DMD: variants seen among roughly 807,000 people sequenced by gnomAD.
DMD encodes mutant dystrophin.
DMD carries 63 observed loss-of-function variants against 330.1 expected under a neutral mutation model. That is an observed-to-expected ratio of 0.19 (90% CI 0.16 to 0.24). The LOEUF (loss-of-function observed/expected upper bound fraction) is 0.24, where lower values mean the gene tolerates loss of function less well. Ranked by LOEUF, DMD falls within the 10% of genes least tolerant of loss-of-function variation. The pLI is 1.00. For missense variants in DMD, 3,344 were observed against 2,684.1 expected (o/e 1.25, Z -5.43); for synonymous variants, 1,223 against 959.8 (o/e 1.27, Z -5.07).
chrX:32,885,338 T>C (rs2149225714), intron 2 of DMD, among the ~76,000 whole-genome samples: 1 of 111,610 alleles, frequency 9.0e-6, no homozygotes, highest in African/African-American at 3.2e-5. Flanking sequence ...ATATTAAGCC[T>C]ACTAAAGAGA....
intron 9 of DMD, among the ~76,000 whole-genome samples, chrX:32,680,869 C>G (rs982771405): frequency 9.0e-6 from 1 of 111,211 alleles, no homozygotes; most frequent in African/African-American, 3.3e-5. Context: ...GGCTACGCCC[C>G]TTATATTTGA....
At chrX:32,422,006 G>A (rs769161717) in intron 29 of DMD, among the ~76,000 whole-genome samples, 4 of 111,387 alleles carry the variant, frequency 3.6e-5, no homozygotes, top group Admixed American at 9.6e-5. Flanking sequence ...CCTAGAAAGC[G>A]TTCATTCTAC....
chrX:31,323,293 G>A, intron 62 of DMD, among the ~76,000 whole-genome samples: 1 of 111,881 alleles, frequency 8.9e-6, no homozygotes, highest in Non-Finnish European at 1.9e-5. Flanking sequence ...CGCAAAGATT[G>A]ACTCCCACTA....
At position 32,013,093 on chromosome X, in the gene DMD, C is replaced by CTTTTTTTTTTTTTTTTTTTT. The variant is rs754162660; in HGVS notation, c.6439-44580_6439-44579insAAAAAAAAAAAAAAAAAAAA. Among the ~76,000 whole-genome samples, 24 of 61,152 alleles carry CTTTTTTTTTTTTTTTTTTTT rather than the reference C, an allele frequency of 3.9e-4. 2 individuals carry two copies. Among genetic ancestry groups the CTTTTTTTTTTTTTTTTTTTT allele is most frequent in the African/African-American group, 8.9e-4 (11 of 12,321 alleles). The allele number at this position is 61,152 out of a possible 115,157, so 53.1% of individuals were successfully genotyped here. A position where few individuals can be genotyped will look rare whatever the true frequency, so the allele number is the denominator to read the frequency against. The stretch of plus-strand genomic sequence containing the variant: ...GGAAATTAATCTTTTCTTTTCTTTC[C>CTTTTTTTTTTTTTTTTTTTT]TTTTTTTTTTTTTGAGATGGAATCT... On this transcript the variant is annotated intron_variant, in intron 44 of 78. Coordinates refer to ENST00000357033, the MANE Select transcript of DMD (RefSeq NM_004006.3).
intron 44 of DMD, among the ~76,000 whole-genome samples, chrX:32,023,461 A>G (rs1233597022): frequency 9.0e-6 from 1 of 111,573 alleles, no homozygotes; most frequent in African/African-American, 3.3e-5. Context: ...ATCGACGTGT[A>G]TGTCTCACTC....
At chrX:32,359,565 G>T (rs945672341) in intron 37 of DMD, among the ~76,000 whole-genome samples, 2 of 111,209 alleles carry the variant, frequency 1.8e-5, no homozygotes, top group Non-Finnish European at 3.8e-5. Flanking sequence ...ACCTGATTTT[G>T]AGATCAAAGG....
chrX:32,619,881 T>G (rs1338667571), intron 11 of DMD, among the ~76,000 whole-genome samples: 1 of 111,552 alleles, frequency 9.0e-6, no homozygotes, highest in Non-Finnish European at 1.9e-5. Context: ...CAGTGAGAAT[T>G]AGAGACATGG....
intron 1 of DMD, among the ~76,000 whole-genome samples, chrX:33,287,662 T>C (rs1266971295): frequency 1.8e-5 from 2 of 111,379 alleles, no homozygotes; most frequent in Non-Finnish European, 3.8e-5. Context: ...ATTATATAGA[T>C]CTGAAAAGTA....
intron 44 of DMD, among the ~76,000 whole-genome samples, chrX:32,151,075 C>T: frequency 1.8e-5 from 2 of 111,353 alleles, no homozygotes. Flanking sequence ...TACTATTATA[C>T]TTTGTGTGTA....
At chrX:32,988,984 A>T (rs886529982) in intron 2 of DMD, among the ~76,000 whole-genome samples, 2 of 111,774 alleles carry the variant, frequency 1.8e-5, no homozygotes, top group South Asian at 3.7e-4. Flanking sequence ...TATTAGGAAA[A>T]ATTTAATACA....
At position 32,457,461 on chromosome X, in the gene DMD, A is replaced by G. The variant is rs952042129; in HGVS notation, c.3433-2629T>C. Among the ~76,000 whole-genome samples the G allele has an allele frequency of 3.6e-5, 4 of 110,959 alleles. No individual in the cohort carries two copies. In the Admixed American group the frequency reaches 3.8e-4, roughly 11 times the overall value. The stretch of plus-strand genomic sequence containing the variant: ...TTCTCTACTGATGGGAATGATGGGA[A>G]TGATGTAGCGTGGAGAAGATGTAGG... On this transcript the variant is annotated intron_variant, in intron 25 of 78. Transcript: ENST00000357033.
intron 7 of DMD, among the ~76,000 whole-genome samples, chrX:32,740,298 T>C (rs779188562): frequency 9.0e-6 from 1 of 110,509 alleles, no homozygotes; most frequent in African/African-American, 3.3e-5. Context: ...ATCAGAATTA[T>C]TCTTATAGAT....
At chrX:32,919,751 G>A (rs774762869) in intron 2 of DMD, among the ~76,000 whole-genome samples, 1 of 111,621 alleles carries the variant, frequency 9.0e-6, no homozygotes, top group Admixed American at 9.5e-5. Flanking sequence ...GGCAAGTGCA[G>A]GAGTTAATAA....
intron 7 of DMD, among the ~76,000 whole-genome samples, chrX:32,759,133 C>T (rs1427187753): frequency 8.9e-6 from 1 of 112,067 alleles, no homozygotes. Flanking sequence ...ATTTCTACAG[C>T]ATTCATACAC....
chrX:32,411,618 C>A (rs2098142420), intron 30 of DMD, 134 bp downstream of exon 30: 2 of 722,672 alleles, frequency 2.8e-6, no homozygotes, highest in Admixed American at 5.3e-5. Flanking sequence ...CTACCTACCT[C>A]CAAATAGTCA....
chrX:31,366,651 C>A (rs980159436), intron 60 of DMD, among the ~76,000 whole-genome samples: 1 of 107,303 alleles, frequency 9.3e-6, no homozygotes, highest in African/African-American at 3.4e-5. Context: ...GGGACTTTAA[C>A]TTTGTCTTAG....
At chrX:33,281,264 A>G (rs1398959750) in intron 1 of DMD, among the ~76,000 whole-genome samples, 4 of 101,814 alleles carry the variant, frequency 3.9e-5, no homozygotes, top group African/African-American at 1.1e-4. Context: ...GCTGGAGTGC[A>G]GTGGCGCGAT....
chrX:33,109,113 C>T (rs1048069998), intron 1 of DMD, among the ~76,000 whole-genome samples: 1 of 109,132 alleles, frequency 9.2e-6, no homozygotes. Context: ...TATTAAGTTC[C>T]CTAGATCAAC....
intron 21 of DMD, among the ~76,000 whole-genome samples, chrX:32,483,820 CAAA>C (rs770119472): frequency 2.7e-5 from 1 of 37,269 alleles, no homozygotes; most frequent in Non-Finnish European, 4.3e-5. Flanking sequence ...CTCTGAAGTA[CAAA>C]AAAAAAAAAA....
Sources: gnomAD v4.1 joint callset for allele counts (sites outside exome capture counted in the v4.1 genomes callset) on GRCh38, gnomAD v4.1.1 for gene constraint, MANE v1.5 for transcripts, NCBI Gene and HGNC (gene_info 2026-07-23, HGNC 2026-07-21) for gene names.